Variants in MEGF9 observed in about 807,000 individuals in gnomAD.
MEGF9 encodes the protein multiple EGF like domains 9.
In MEGF9, 6 loss-of-function variants were observed where a neutral mutation model predicts 46.8. The observed-to-expected ratio is 0.13, with a 90% CI of 0.07 to 0.25. The LOEUF is 0.25. MEGF9 is among the 10% of genes least tolerant of loss of function. The pLI is 1.00. For missense variants in MEGF9, 683 were observed against 792.4 expected (o/e 0.86, Z 1.66); for synonymous variants, 302 against 330.7 (o/e 0.91, Z 0.94).
intron 2 of MEGF9, among the ~76,000 whole-genome samples, chr9:120,654,716 T>C (rs969286585): frequency 3.3e-5 from 5 of 152,134 alleles, no homozygotes; most frequent in Non-Finnish European, 7.4e-5. Context: ...CTTCATGAGG[T>C]ATCCCAAAAG....
chr9:120,641,957 T>C (rs2043605164), intron 2 of MEGF9, among the ~76,000 whole-genome samples: 1 of 152,154 alleles, frequency 6.6e-6, no homozygotes, highest in Non-Finnish European at 1.5e-5. Flanking sequence ...CTATTGTCCC[T>C]AGTTTCTCAA....
At chr9:120,641,566 A>C (rs931267069) in intron 2 of MEGF9, among the ~76,000 whole-genome samples, 3 of 152,218 alleles carry the variant, frequency 2.0e-5, no homozygotes, top group African/African-American at 4.8e-5. Context: ...AACATAGATC[A>C]GTGGTTCTGA....
At chr9:120,635,343 C>T (rs375048129) in intron 2 of MEGF9, among the ~76,000 whole-genome samples, 12 of 152,312 alleles carry the variant, frequency 7.9e-5, no homozygotes, top group African/African-American at 2.9e-4. Context: ...CTTCCTGAAA[C>T]TGGATTTCCA....
chr9:120,655,450 A>C (rs1477960960), intron 2 of MEGF9, among the ~76,000 whole-genome samples: 1 of 152,230 alleles, frequency 6.6e-6, no homozygotes, highest in African/African-American at 2.4e-5. Context: ...GTGTAAGTAC[A>C]TTCTATGATG....
chr9:120,682,794 G>A lies in MEGF9; in HGVS notation c.602-23219C>T, dbSNP rs145044253. On this transcript the variant is annotated intron_variant, in intron 1 of 5. Coordinates refer to ENST00000373930, the MANE Select transcript of MEGF9 (RefSeq NM_001080497.3). ...GACAGGATCTTGCTATGTTAACCAG[G>A]CTGGTCTCAAACTCCTGGGCCCAAG... is the stretch of plus-strand genomic sequence containing the variant. Among the ~76,000 whole-genome samples, 318 of 152,230 alleles carry A rather than the reference G, an allele frequency of 2.1e-3. 1 individual carries two copies. Among genetic ancestry groups the A allele is most frequent in the African/African-American group, 7.2e-3 (299 of 41,528 alleles).
chr9:120,704,544 C>T (rs1257072612), intron 1 of MEGF9, among the ~76,000 whole-genome samples: 1 of 152,116 alleles, frequency 6.6e-6, no homozygotes, highest in African/African-American at 2.4e-5. Flanking sequence ...GGCAGCTAAA[C>T]AAGACAAGAT....
intron 2 of MEGF9, among the ~76,000 whole-genome samples, chr9:120,635,742 T>A (rs184190730): frequency 2.6e-4 from 39 of 152,334 alleles, no homozygotes; most frequent in Admixed American, 2.2e-3. Flanking sequence ...GACTGAACTA[T>A]CTGTATTTCC....
At chr9:120,652,532 G>T (rs1456017031) in intron 2 of MEGF9, among the ~76,000 whole-genome samples, 1 of 133,924 alleles carries the variant, frequency 7.5e-6, no homozygotes, top group Non-Finnish European at 1.6e-5. Flanking sequence ...ACCAAAAAGA[G>T]ATTCAACTAG....
At position 120,632,835 on chromosome 9, in the gene MEGF9, T is replaced by A. The variant is rs954850178; in HGVS notation, c.804-10080A>T. ...AATTTTATCAAATGCTTTTTCTGCATCCACTGAGATGATCATGTGGTTACT... is the reference window on the plus strand; with the variant it reads ...AATTTTATCAAATGCTTTTTCTGCAACCACTGAGATGATCATGTGGTTACT... On this transcript the variant is annotated intron_variant, in intron 2 of 5. Coordinates refer to ENST00000373930, the MANE Select transcript of MEGF9 (RefSeq NM_001080497.3). Among the ~76,000 whole-genome samples the A allele has an allele frequency of 2.0e-5, 3 of 152,242 alleles. No homozygotes were observed. The South Asian group carries it at 6.2e-4, about 32-fold the overall frequency.
chr9:120,680,025 T>G (rs1427591307), intron 1 of MEGF9, among the ~76,000 whole-genome samples: 2 of 152,222 alleles, frequency 1.3e-5, no homozygotes, highest in Non-Finnish European at 2.9e-5. Flanking sequence ...TTATTTTTAC[T>G]TATTTCAATT....
intron 1 of MEGF9, among the ~76,000 whole-genome samples, chr9:120,660,561 TC>T (rs1363175073): frequency 2.0e-5 from 3 of 152,116 alleles, no homozygotes; most frequent in Non-Finnish European, 4.4e-5. Flanking sequence ...CCCCACTTCC[TC>T]CCCACCACAC....
At chr9:120,677,539 A>G (rs1471764132) in intron 1 of MEGF9, among the ~76,000 whole-genome samples, 1 of 152,208 alleles carries the variant, frequency 6.6e-6, no homozygotes. Flanking sequence ...ATAAATTATC[A>G]ATTGGCAACA....
intron 3 of MEGF9, among the ~76,000 whole-genome samples, chr9:120,614,016 A>C (rs562902312): frequency 6.7e-4 from 61 of 90,512 alleles, no homozygotes; most frequent in African/African-American, 1.6e-3. Context: ...TAAAAAGCTC[A>C]ATTTTTTTTT....
chr9:120,677,672 A>G (rs1313843971), intron 1 of MEGF9, among the ~76,000 whole-genome samples: 3 of 152,204 alleles, frequency 2.0e-5, no homozygotes, highest in Non-Finnish European at 4.4e-5. Context: ...AAAACAATAC[A>G]AGTATCTCTC....
chr9:120,617,948 A>G (rs79031875), intron 3 of MEGF9, among the ~76,000 whole-genome samples: 5,496 of 152,268 alleles, frequency 0.036, 311 homozygotes, highest in African/African-American at 0.12. Context: ...TGGTGAAATG[A>G]ATAGAGCAGG....
intron 1 of MEGF9, among the ~76,000 whole-genome samples, chr9:120,705,663 G>A (rs1258536292): frequency 1.3e-5 from 2 of 151,624 alleles, no homozygotes; most frequent in East Asian, 3.9e-4. Context: ...GTACTCACAT[G>A]GATACATCTA....
chr9:120,696,941 T>A (rs1359176585), intron 1 of MEGF9, among the ~76,000 whole-genome samples: 1 of 152,222 alleles, frequency 6.6e-6, no homozygotes, highest in African/African-American at 2.4e-5. Flanking sequence ...GATCTATAGT[T>A]GAATAACAGC....
At chr9:120,707,914 G>C (rs771339576) in intron 1 of MEGF9, among the ~76,000 whole-genome samples, 4 of 152,132 alleles carry the variant, frequency 2.6e-5, no homozygotes, top group Non-Finnish European at 4.4e-5. Flanking sequence ...GTATGGTTGC[G>C]CATGCCTGTA....
intron 2 of MEGF9, among the ~76,000 whole-genome samples, chr9:120,653,398 G>T (rs1262712314): frequency 1.3e-5 from 2 of 149,752 alleles, no homozygotes; most frequent in African/African-American, 4.9e-5. Flanking sequence ...TTGAGACAGG[G>T]TCTCACTCTG....
Sources: gnomAD v4.1 joint callset for allele counts (sites outside exome capture counted in the v4.1 genomes callset) on GRCh38, gnomAD v4.1.1 for gene constraint, MANE v1.5 for transcripts, NCBI Gene and HGNC (gene_info 2026-07-23, HGNC 2026-07-21) for gene names.